The following SGMS1 variants were observed in gnomAD, a reference collection of about 807,000 sequenced individuals.
SGMS1 encodes the protein phosphatidylcholine:ceramide cholinephosphotransferase 1.
SGMS1 carries 13 observed loss-of-function variants against 46.2 expected under a neutral mutation model. The observed-to-expected ratio is 0.28, with a 90% CI of 0.18 to 0.45. SGMS1 has a LOEUF of 0.45. Among genes scored for constraint, SGMS1 ranks in the 20% least tolerant of loss-of-function variants. The pLI, the probability that SGMS1 is intolerant of heterozygous loss-of-function variation, is 1.00. For missense variants in SGMS1, 324 were observed against 519.9 expected, an observed-to-expected ratio of 0.62 and a Z score of 3.66; for synonymous variants, 203 against 187.8, an observed-to-expected ratio of 1.08 and a Z score of -0.66.
At chr10:50,395,405 T>G (rs1848835362) in intron 6 of SGMS1, among the ~76,000 whole-genome samples, 1 of 152,218 alleles carries the variant, frequency 6.6e-6, no homozygotes, top group South Asian at 2.1e-4. Flanking sequence ...TACTGATGCA[T>G]GTGGATGATT....
intron 6 of SGMS1, among the ~76,000 whole-genome samples, chr10:50,373,348 T>C (rs1848471819): frequency 6.6e-6 from 1 of 152,234 alleles, no homozygotes; most frequent in South Asian, 2.1e-4. Flanking sequence ...AAAATAGAAC[T>C]GCAGGCATCA....
At chr10:50,570,886 T>C (rs923345179) in intron 2 of SGMS1, among the ~76,000 whole-genome samples, 4 of 152,020 alleles carry the variant, frequency 2.6e-5, no homozygotes, top group Admixed American at 2.0e-4. Context: ...TACAGAGAGC[T>C]ATGATCACAC....
At chr10:50,448,319 C>A (rs1837051636) in intron 5 of SGMS1, among the ~76,000 whole-genome samples, 1 of 152,086 alleles carries the variant, frequency 6.6e-6, no homozygotes, top group Non-Finnish European at 1.5e-5. Flanking sequence ...TAACATTTTT[C>A]TTTAATATCT....
chr10:50,460,569 T>C (rs1169177155), intron 5 of SGMS1, 104 bp downstream of exon 5: 1 of 152,116 alleles, frequency 6.6e-6, no homozygotes, highest in East Asian at 1.9e-4. Flanking sequence ...CTATGAACAG[T>C]GGGATTCAAG....
chr10:50,621,203 G>A (rs7074349), intron 1 of SGMS1, among the ~76,000 whole-genome samples: 37,685 of 151,678 alleles, frequency 0.25, 5,586 homozygotes, highest in African/African-American at 0.4. Flanking sequence ...AAAAAAAACT[G>A]ATGGCTATAC....
chr10:50,429,990 C>A (rs184832313), intron 6 of SGMS1, among the ~76,000 whole-genome samples: 1 of 152,118 alleles, frequency 6.6e-6, no homozygotes, highest in Non-Finnish European at 1.5e-5. Flanking sequence ...TTTTCTTTTT[C>A]TAGCCCTAAT....
At chr10:50,505,497 T>G (rs1347557548) in intron 3 of SGMS1, among the ~76,000 whole-genome samples, 1 of 152,218 alleles carries the variant, frequency 6.6e-6, no homozygotes, top group Admixed American at 6.5e-5. Context: ...GAACAGTACT[T>G]CTACACCCTT....
At chr10:50,393,401 T>C (rs763768602) in intron 6 of SGMS1, among the ~76,000 whole-genome samples, 1 of 152,140 alleles carries the variant, frequency 6.6e-6, no homozygotes, top group African/African-American at 2.4e-5. Context: ...TGACTCACAT[T>C]AGACCGATGA....
intron 3 of SGMS1, among the ~76,000 whole-genome samples, chr10:50,473,769 C>T (rs1564923377): frequency 6.6e-6 from 1 of 152,194 alleles, no homozygotes; most frequent in Non-Finnish European, 1.5e-5. Flanking sequence ...TATTCTCAGG[C>T]CCAGTTGTCT....
Position 50,307,849 on chromosome 10 carries a change from A to G in SGMS1, c.1062+133T>C. On this transcript the variant is annotated intron_variant, in intron 10 of 10. Coordinates refer to ENST00000361781, the MANE Select transcript of SGMS1 (RefSeq NM_147156.4). The surrounding 1 kb of genome is among the most constrained non-coding windows in gnomAD (Gnocchi z 4.2). The stretch of plus-strand genomic sequence containing the variant: ...TGAAGAGAATCAATGTCACAAAAAA[A>G]CAATACAATCTTAGTTGATTACTAC... 3 of 805,994 alleles carry G rather than the reference A, an allele frequency of 3.7e-6. No homozygotes were observed. In the South Asian group the frequency reaches 5.1e-5, roughly 14 times the overall value. The allele number at this position is 805,994 out of a possible 1,614,324, so 49.9% of individuals were successfully genotyped here.
chr10:50,365,255 C>CAAAAAAAAAAAAAAAAAAAAAAAGA (rs1848317717), intron 6 of SGMS1, among the ~76,000 whole-genome samples: 1 of 45,026 alleles, frequency 2.2e-5, no homozygotes, highest in Non-Finnish European at 4.3e-5. Flanking sequence ...TCCATCTCAC[C>CAAAAAAAAAAAAAAAAAAAAAAAGA]AAAAAAAAAA....
At chr10:50,317,955 C>T (rs1224543413) in intron 8 of SGMS1, among the ~76,000 whole-genome samples, 2 of 151,992 alleles carry the variant, frequency 1.3e-5, no homozygotes, top group African/African-American at 2.4e-5. Context: ...AGGTGCATGC[C>T]GCCACACCCG....
chr10:50,602,782 A>T (rs1838660468), intron 1 of SGMS1, among the ~76,000 whole-genome samples: 1 of 152,240 alleles, frequency 6.6e-6, no homozygotes, highest in African/African-American at 2.4e-5. Flanking sequence ...AAATATTTTA[A>T]CAATAAAAAA....
At chr10:50,494,400 T>C (rs1002387538) in intron 3 of SGMS1, among the ~76,000 whole-genome samples, 12 of 152,306 alleles carry the variant, frequency 7.9e-5, no homozygotes, top group African/African-American at 2.9e-4. Flanking sequence ...AGTGGTAGAC[T>C]GGATAAAGGA....
chr10:50,489,826 T>C (rs535072855), intron 3 of SGMS1, among the ~76,000 whole-genome samples: 2 of 152,096 alleles, frequency 1.3e-5, no homozygotes, highest in Non-Finnish European at 2.9e-5. Flanking sequence ...ATACAAAAAT[T>C]AGCTGGGCGT....
chr10:50,563,742 CAAAAAAA>C (rs60882939), intron 2 of SGMS1, among the ~76,000 whole-genome samples: 7 of 65,734 alleles, frequency 1.1e-4, no homozygotes, highest in East Asian at 3.9e-4. Flanking sequence ...GACTCCGTCT[CAAAAAAA>C]AAAAAAAAAA....
chr10:50,380,105 G>A (rs1365798864), intron 6 of SGMS1, among the ~76,000 whole-genome samples: 1 of 152,138 alleles, frequency 6.6e-6, no homozygotes, highest in East Asian at 1.9e-4. Context: ...CCTTGGCTGG[G>A]CACAGTGGCT....
chr10:50,515,899 A>G (rs1588860828), intron 3 of SGMS1, among the ~76,000 whole-genome samples: 1 of 152,348 alleles, frequency 6.6e-6, no homozygotes, highest in South Asian at 2.1e-4. Context: ...TAGAGCCAAT[A>G]CCAGGCAATT....
rs373235859 is a variant in SGMS1, at chr10:50,313,749, C to T, written c.742-2334G>A. The stretch of plus-strand genomic sequence containing the variant: ...CAAGGCAGCATCACCCATACTTTGT[C>T]CTCTCATTTGAGCAAGAAAATCTTT... On this transcript the variant is annotated intron_variant, in intron 8 of 10. Transcript: ENST00000361781. Among the ~76,000 whole-genome samples the T allele has an allele frequency of 1.6e-4, 25 of 152,254 alleles. No individual in the cohort carries two copies. In the East Asian group the frequency reaches 4.1e-3, roughly 25 times the overall value.
Sources: gnomAD v4.1 joint callset for allele counts (sites outside exome capture counted in the v4.1 genomes callset) on GRCh38, gnomAD v4.1.1 for gene constraint, Gnocchi (gnomAD v3.1) non-coding constraint, MANE v1.5 for transcripts, NCBI Gene and HGNC (gene_info 2026-07-23, HGNC 2026-07-21) for gene names.